Variants in PPP2R5C observed in about 807,000 individuals in gnomAD.
PPP2R5C encodes protein phosphatase 2 regulatory subunit B'gamma, also known as serine/threonine-protein phosphatase 2A 56 kDa regulatory subunit gamma isoform.
PPP2R5C carries 7 observed loss-of-function variants against 68.9 expected under a neutral mutation model. The ratio of observed to expected loss-of-function variants is 0.10; its 90% CI spans 0.06 to 0.19. The LOEUF (loss-of-function observed/expected upper bound fraction) is 0.19. Ranked by LOEUF, PPP2R5C falls within the 10% of genes least tolerant of loss-of-function variation. PPP2R5C has a pLI of 1.00. For synonymous variants in PPP2R5C, 210 were observed against 222.2 expected (o/e 0.95, Z 0.49); for missense variants, 348 against 641.3 (o/e 0.54, Z 4.94).
Position 101,852,345 on chromosome 14 carries a change from C to T in PPP2R5C, c.95-4341C>T, listed in dbSNP as rs947999956. 2.6e-5 allele frequency among the ~76,000 whole-genome samples: 4 copies of T among 151,988 alleles called. No individual in the cohort carries two copies. In the East Asian group the frequency reaches 5.8e-4, roughly 22 times the overall value. On this transcript the variant is annotated intron_variant, in intron 1 of 13. Coordinates refer to ENST00000334743, the Ensembl canonical transcript of PPP2R5C. ...GCTAGACAGGAATGCTCCCAGCCTACTTTAAAGGAGATCTTTGTTAAACAT... is the reference window on the plus strand; with the variant it reads ...GCTAGACAGGAATGCTCCCAGCCTATTTTAAAGGAGATCTTTGTTAAACAT...
intron 1 of PPP2R5C, among the ~76,000 whole-genome samples, chr14:101,816,434 T>C (rs571383216): frequency 6.6e-6 from 1 of 152,292 alleles, no homozygotes; most frequent in Non-Finnish European, 1.5e-5. Flanking sequence ...TCAAAAACTC[T>C]TCTAGTTTAA....
intron 10 of PPP2R5C, among the ~76,000 whole-genome samples, chr14:101,909,031 C>T (rs942507259): frequency 6.6e-6 from 1 of 152,178 alleles, no homozygotes; most frequent in Non-Finnish European, 1.5e-5. Flanking sequence ...GCTGCAGTCC[C>T]ATGGCAGCTG....
At position 101,797,543 on chromosome 14, in the gene PPP2R5C, C is replaced by T; in HGVS notation, c.259+11360C>T. On this transcript the variant is annotated intron_variant, in intron 3 of 14. Coordinates refer to the PPP2R5C transcript ENST00000328724. The surrounding 1 kb of genome is among the most constrained non-coding windows in gnomAD (Gnocchi z 4.2). Reference sequence around the variant, plus strand: ...TGTGGTGTCACCTCTCGTGGGGTGGCCAAAACCCCAGCCAGGGCCACCTAT... The same window carrying T: ...TGTGGTGTCACCTCTCGTGGGGTGGTCAAAACCCCAGCCAGGGCCACCTAT... The T allele has an allele frequency of 3.6e-6, 1 of 275,400 alleles. No individual in the cohort carries two copies. Among genetic ancestry groups the T allele is most frequent in the Non-Finnish European group, 7.3e-6 (1 of 136,584 alleles). 17.1% of individuals were successfully genotyped at this position (275,400 alleles called of 1,614,324 possible).
At position 101,879,578 on chromosome 14, in the gene PPP2R5C, C is replaced by G. The variant is rs1481666609; in HGVS notation, c.295-2583C>G. The stretch of plus-strand genomic sequence containing the variant: ...GTCCTGTTCACAGATTCCTCTGCCA[C>G]CCAGAGTTCGTGCCCAGGCTCTGCC... On this transcript the variant is annotated intron_variant, in intron 2 of 13. Coordinates refer to ENST00000334743, the Ensembl canonical transcript of PPP2R5C. This position sits in a 1 kb window ranked among gnomAD's most constrained non-coding sequence, Gnocchi z 4.2. Among the ~76,000 whole-genome samples, 1 of 152,214 alleles carries G rather than the reference C, an allele frequency of 6.6e-6. No individual in the cohort carries two copies. The highest frequency in any genetic ancestry group is 1.5e-5 in the Non-Finnish European group (1 of 68,040).
chr14:101,795,629 C>A (rs2038570580), intron 3 of PPP2R5C, among the ~76,000 whole-genome samples: 1 of 151,896 alleles, frequency 6.6e-6, no homozygotes, highest in African/African-American at 2.4e-5. Context: ...TAATGTAGGA[C>A]TTATTATCGG....
At chr14:101,922,858 G>T (rs1180771913) in intron 13 of PPP2R5C, among the ~76,000 whole-genome samples, 2 of 152,122 alleles carry the variant, frequency 1.3e-5, no homozygotes, top group Non-Finnish European at 2.9e-5. Context: ...GGTCCCTTAA[G>T]AAATGTTGAT....
intron 3 of PPP2R5C, among the ~76,000 whole-genome samples, chr14:101,787,566 A>G (rs2038161773): frequency 6.6e-6 from 1 of 150,638 alleles, no homozygotes; most frequent in Non-Finnish European, 1.5e-5. Context: ...GATCAAGACC[A>G]TCCTGGCTAA....
chr14:101,876,766 C>G (rs1678001), intron 2 of PPP2R5C, among the ~76,000 whole-genome samples: 15,172 of 152,174 alleles, frequency 0.1, 854 homozygotes, highest in South Asian at 0.13. Context: ...TACGTATGCA[C>G]TCACGTGCGT....
At chr14:101,840,143 A>G (rs1031500075) in intron 1 of PPP2R5C, among the ~76,000 whole-genome samples, 2 of 152,040 alleles carry the variant, frequency 1.3e-5, no homozygotes, top group African/African-American at 4.8e-5. Context: ...TGTAGTGCCC[A>G]CCTTGTACCT....
intron 1 of PPP2R5C, among the ~76,000 whole-genome samples, chr14:101,840,543 A>T (rs1368954639): frequency 6.6e-6 from 1 of 151,130 alleles, no homozygotes; most frequent in East Asian, 1.9e-4. Context: ...AACCTATCAA[A>T]CTTTAAGGAT....
At chr14:101,830,880 G>A (rs949342642) in intron 1 of PPP2R5C, among the ~76,000 whole-genome samples, 7 of 152,162 alleles carry the variant, frequency 4.6e-5, no homozygotes, top group African/African-American at 1.7e-4. Context: ...TCACTAAGCG[G>A]GTGAGAGGAT....
Position 101,800,390 on chromosome 14 carries a change from C to T in PPP2R5C, c.259+14207C>T, listed in dbSNP as rs184902126. On this transcript the variant is annotated intron_variant, in intron 3 of 14. Transcript: ENST00000328724. Reference sequence around the variant, plus strand: ...CAGCCTGGGCAACAAGGCGAAACCCCGTGTCTACTAAAAGTTCAAAAAATT... The same window carrying T: ...CAGCCTGGGCAACAAGGCGAAACCCTGTGTCTACTAAAAGTTCAAAAAATT... 1.0e-3 allele frequency among the ~76,000 whole-genome samples: 156 copies of T among 152,000 alleles called. 1 individual carries two copies. The highest frequency in any genetic ancestry group is 3.6e-3 in the African/African-American group (150 of 41,482).
Position 101,892,884 on chromosome 14 carries a change from C to T in PPP2R5C, c.690-116C>T, listed in dbSNP as rs907814851. The stretch of plus-strand genomic sequence containing the variant: ...AGGTGCATGGCAACATGCTTGGCTA[C>T]GTATATTTTGCCTGCTGGGTTTTGA... On this transcript the variant is annotated intron_variant, in intron 6 of 13. Transcript: ENST00000334743. The T allele has an allele frequency of 2.7e-5, 19 of 707,174 alleles. No homozygotes were observed. In the South Asian group the frequency reaches 2.8e-4, roughly 11 times the overall value. The allele number at this position is 707,174 out of a possible 1,614,324, so 43.8% of individuals were successfully genotyped here.
At chr14:101,839,033 G>A (rs1198104745) in intron 1 of PPP2R5C, 1 of 142,068 alleles carries the variant, frequency 7.0e-6, no homozygotes, top group Non-Finnish European at 1.5e-5. Flanking sequence ...GACAGAGCAA[G>A]ACTCTGTCTC....
chr14:101,883,157 C>A (rs2044264232), intron 3 of PPP2R5C, 100 bp from the exon 6 acceptor site: 4 of 783,776 alleles, frequency 5.1e-6, no homozygotes, highest in Non-Finnish European at 8.0e-6. Context: ...CTTTGAGAGG[C>A]TAATATTTGC....
chr14:101,902,027 C>T (rs1462340795), intron 9 of PPP2R5C, 138 bp downstream of exon 11: 2 of 897,370 alleles, frequency 2.2e-6, no homozygotes, highest in African/African-American at 3.4e-5. Flanking sequence ...AATTATACTT[C>T]AAATACGATG....
rs2046518129 is a variant in PPP2R5C at position 101,913,926 on chromosome 14, G to T, written c.1326+1453G>T. On this transcript the variant is annotated intron_variant, in intron 12 of 13. Transcript: ENST00000334743. The surrounding 1 kb of genome is among the most constrained non-coding windows in gnomAD (Gnocchi z 4.1). ...CACGAATCAGAAGGTCTGATTTTAT[G>T]TACCTAGAATATAGAGATAACTTAT... Among the ~76,000 whole-genome samples, 1 of 152,082 alleles carries T rather than the reference G, an allele frequency of 6.6e-6. No individual in the cohort carries two copies. Among genetic ancestry groups the T allele is most frequent in the Non-Finnish European group, 1.5e-5 (1 of 68,002 alleles).
chr14:101,873,321 G>A (rs1481740610), intron 2 of PPP2R5C, among the ~76,000 whole-genome samples: 1 of 152,140 alleles, frequency 6.6e-6, no homozygotes, highest in Non-Finnish European at 1.5e-5. Context: ...GTCTGACATT[G>A]TGAATTTTGC....
rs900709610 is a variant in PPP2R5C, at chr14:101,801,306, A to G, written c.259+15123A>G. Among the ~76,000 whole-genome samples the G allele has an allele frequency of 2.0e-5, 3 of 152,352 alleles. No individual in the cohort carries two copies. In the South Asian group the frequency reaches 6.2e-4, roughly 32 times the overall value. On this transcript the variant is annotated intron_variant, in intron 3 of 14. Coordinates refer to the PPP2R5C transcript ENST00000328724. Reference sequence around the variant, plus strand: ...CATTACACATTGTTAACAGGCATCAAAATATCACATGTCCCCTCCAAATAT... The same window carrying G: ...CATTACACATTGTTAACAGGCATCAGAATATCACATGTCCCCTCCAAATAT...
Sources: allele counts gnomAD v4.1 joint callset (sites outside exome capture counted in the v4.1 genomes callset), GRCh38; gene constraint gnomAD v4.1.1; non-coding constraint Gnocchi (gnomAD v3.1); transcripts MANE v1.5; gene names NCBI Gene and HGNC (gene_info 2026-07-23, HGNC 2026-07-21).